The following DENND1A variants were observed in gnomAD, a reference collection of about 807,000 sequenced individuals.
DENND1A encodes DENN domain-containing protein 1A.
Under a neutral mutation model 113.7 loss-of-function variants are expected in DENND1A, and 51 were observed. The ratio of observed to expected loss-of-function variants is 0.45; its 90% confidence interval spans 0.36 to 0.57. The LOEUF (loss-of-function observed/expected upper bound fraction) is 0.57, where lower values mean the gene tolerates loss of function less well. Ranked by LOEUF, DENND1A falls within the 20% of genes least tolerant of loss-of-function variation. The pLI, the probability that DENND1A is intolerant of heterozygous loss-of-function variation, is 0.00. For missense variants in DENND1A, 1,258 were observed against 1,395.9 expected (o/e 0.90, Z 1.57); for synonymous variants, 565 against 570.8 (o/e 0.99, Z 0.14).
chr9:123,647,619 T>C (rs1027237404), intron 9 of DENND1A, among the ~76,000 whole-genome samples: 53 of 152,348 alleles, frequency 3.5e-4, no homozygotes, highest in African/African-American at 1.1e-3. Flanking sequence ...CAAGATACCA[T>C]TTAGTTTTTC....
chr9:123,603,499 G>A (rs567338833), intron 11 of DENND1A, among the ~76,000 whole-genome samples: 1 of 152,124 alleles, frequency 6.6e-6, no homozygotes, highest in South Asian at 2.1e-4. Flanking sequence ...GAAAAACCAG[G>A]CTTCTAGGGA....
At chr9:123,810,582 C>T (rs552453103) in intron 2 of DENND1A, among the ~76,000 whole-genome samples, 7 of 134,234 alleles carry the variant, frequency 5.2e-5, no homozygotes, top group South Asian at 4.8e-4. Flanking sequence ...AACATACTAA[C>T]GAAAGCTGAT....
chr9:123,468,568 G>T (rs1393087046), intron 13 of DENND1A, among the ~76,000 whole-genome samples: 2 of 152,316 alleles, frequency 1.3e-5, no homozygotes, highest in Middle Eastern at 3.4e-3. Context: ...CAAATTCCCT[G>T]CTGGGGCCTC....
chr9:123,588,076 G>A (rs113681615), intron 11 of DENND1A, among the ~76,000 whole-genome samples: 2 of 151,046 alleles, frequency 1.3e-5, no homozygotes, highest in African/African-American at 2.4e-5. Context: ...TCAGGAGTTC[G>A]AGACCAGCCT....
At chr9:123,677,829 T>C (rs1043433602) in intron 5 of DENND1A, among the ~76,000 whole-genome samples, 2 of 152,210 alleles carry the variant, frequency 1.3e-5, no homozygotes, top group African/African-American at 4.8e-5. Flanking sequence ...TCCACATTTG[T>C]TAGGATGGAC....
chr9:123,833,544 C>T (rs1840600423), intron 2 of DENND1A, among the ~76,000 whole-genome samples: 3 of 152,130 alleles, frequency 2.0e-5, no homozygotes, highest in African/African-American at 4.8e-5. Flanking sequence ...AGGCATAATA[C>T]ATGAATTTCA....
At chr9:123,530,672 T>C (rs1475773061) in intron 13 of DENND1A, among the ~76,000 whole-genome samples, 1 of 152,162 alleles carries the variant, frequency 6.6e-6, no homozygotes, top group Non-Finnish European at 1.5e-5. Flanking sequence ...TACATGTGAG[T>C]GTCCAATTAG....
Position 123,669,867 on chromosome 9 carries a change from TCTTC to T in DENND1A, c.453+1420_453+1423del, listed in dbSNP as rs369383472. On this transcript the variant is annotated intron_variant, in intron 7 of 23. Coordinates refer to ENST00000394215, the MANE Select transcript of DENND1A (RefSeq NM_001352964.2). ...CAAAAGTCTCTGTAAATTCATTTTT[TCTTC>T]CTTCCTTCCTTCTCTCCCTCTCCTT... Among the ~76,000 whole-genome samples the T allele has an allele frequency of 1.7e-4, 26 of 152,198 alleles. No homozygotes were observed. In the East Asian group the frequency reaches 2.1e-3, roughly 12 times the overall value.
chr9:123,531,173 C>T (rs2055265260), intron 13 of DENND1A, among the ~76,000 whole-genome samples: 1 of 152,092 alleles, frequency 6.6e-6, no homozygotes, highest in Non-Finnish European at 1.5e-5. Context: ...GCAAATGTTT[C>T]TTTCCCATTT....
In DENND1A at chr9:123,769,515, T is replaced by C; in HGVS notation, c.181A>G (p.Ser61Gly). The change falls in exon 4 of 24, where the codon AGC becomes GGC. Residue 61 changes from serine to glycine, a missense_variant and splice_region_variant. By Grantham distance (56) the Ser-to-Gly change is moderately conservative (BLOSUM62 0). Transcript: ENST00000394215. Reference sequence around the variant, plus strand: ...TAAAGTTTGAAAATCTGACACTACCTGTCCACATAGAAGGGGAAACAAAAC... The same window carrying C: ...TAAAGTTTGAAAATCTGACACTACCCGTCCACATAGAAGGGGAAACAAAAC... The part of the protein sequence containing the change: ...TKFCFPFYVD[S>G]LTVSQVGQNF... 6.2e-7 allele frequency: 1 copy of C among 1,607,232 alleles called. No individual in the cohort carries two copies. Among genetic ancestry groups the C allele is most frequent in the South Asian group, 1.1e-5 (1 of 89,618 alleles).
At chr9:123,763,091 T>TG (rs2071177196) in intron 4 of DENND1A, among the ~76,000 whole-genome samples, 1 of 152,050 alleles carries the variant, frequency 6.6e-6, no homozygotes, top group Non-Finnish European at 1.5e-5. Flanking sequence ...TTTTTTTTTT[T>TG]TTGGCGGTGG....
intron 2 of DENND1A, among the ~76,000 whole-genome samples, chr9:123,858,533 A>G (rs531884599): frequency 6.6e-6 from 1 of 152,320 alleles, no homozygotes; most frequent in South Asian, 2.1e-4. Context: ...TAGAAGGAAC[A>G]GTTTAGGATT....
chr9:123,837,700 T>C (rs1340268277), intron 2 of DENND1A, among the ~76,000 whole-genome samples: 1 of 152,070 alleles, frequency 6.6e-6, no homozygotes, highest in Non-Finnish European at 1.5e-5. Context: ...AACCTCAAGG[T>C]CAGCACCTCT....
At chr9:123,928,205 T>C (rs1310115764) in intron 1 of DENND1A, among the ~76,000 whole-genome samples, 3 of 152,210 alleles carry the variant, frequency 2.0e-5, no homozygotes, top group African/African-American at 7.2e-5. Flanking sequence ...ACCTGCTACC[T>C]TGGAGAGCAA....
intron 10 of DENND1A, among the ~76,000 whole-genome samples, chr9:123,627,837 C>A (rs926269093): frequency 6.6e-6 from 1 of 151,702 alleles, no homozygotes; most frequent in Non-Finnish European, 1.5e-5. Context: ...AGCAGGAAAC[C>A]AGAGGGGGCT....
At chr9:123,494,948 C>G (rs994402112) in intron 13 of DENND1A, among the ~76,000 whole-genome samples, 3 of 152,082 alleles carry the variant, frequency 2.0e-5, no homozygotes, top group African/African-American at 7.2e-5. Flanking sequence ...TGTGCCACCA[C>G]GCCAGGATAA....
rs549548374 is a variant in DENND1A at position 123,821,660 on chromosome 9, C to T, written c.89-29030G>A. Among the ~76,000 whole-genome samples, 14 of 152,302 alleles carry T rather than the reference C, an allele frequency of 9.2e-5. No homozygotes were observed. In the South Asian group the frequency reaches 2.9e-3, roughly 32 times the overall value. On this transcript the variant is annotated intron_variant, in intron 2 of 23. Coordinates refer to ENST00000394215, the MANE Select transcript of DENND1A (RefSeq NM_001352964.2). ...TAAGAGTCCCAGAATAATGTTACTC[C>T]ATCAACTCTAACAGTTTCAAACAGA...
intron 12 of DENND1A, among the ~76,000 whole-genome samples, chr9:123,577,689 T>G (rs1485890547): frequency 6.6e-6 from 1 of 150,582 alleles, no homozygotes; most frequent in Non-Finnish European, 1.5e-5. Flanking sequence ...TAGGTTTGTT[T>G]AAAACTTTTC....
chr9:123,426,175 T>C (rs766564120), intron 19 of DENND1A, among the ~76,000 whole-genome samples: 12 of 152,118 alleles, frequency 7.9e-5, no homozygotes, highest in Non-Finnish European at 1.5e-4. Context: ...GGGTACGTCC[T>C]CTTGACCATG....
Sources: gnomAD v4.1 joint callset for allele counts (sites outside exome capture counted in the v4.1 genomes callset) on GRCh38, gnomAD v4.1.1 for gene constraint, MANE v1.5 for transcripts, NCBI Gene and HGNC (gene_info 2026-07-23, HGNC 2026-07-21) for gene names.